ADK: variants seen among roughly 807,000 people sequenced by gnomAD.
ADK encodes the protein adenosine kinase.
Under a neutral mutation model 44.7 loss-of-function variants are expected in ADK, and 24 were observed. The ratio of observed to expected loss-of-function variants is 0.54; its 90% confidence interval spans 0.39 to 0.76. The LOEUF (loss-of-function observed/expected upper bound fraction) is 0.76, where lower values mean the gene tolerates loss of function less well. ADK is among the 30% of genes least tolerant of loss of function. ADK has a pLI of 0.00. For missense variants in ADK, 321 were observed against 425.1 expected (o/e 0.76, Z 2.15); for synonymous variants, 128 against 142.6 (o/e 0.90, Z 0.73).
rs11596716 is a variant in ADK at position 74,623,035 on chromosome 10, G to A, written c.877+22542G>A. On this transcript the variant is annotated intron_variant, in intron 9 of 10. Transcript: ENST00000539909. ...AAACAAAAAACAAAAAACAAAAAAA[G>A]AACCCGGCTTCTTGAATCCCAGACT... Among the ~76,000 whole-genome samples the A allele has an allele frequency of 1.7e-3, 264 of 152,062 alleles. 1 individual carries two copies. In the Middle Eastern group the frequency reaches 0.02, roughly 12 times the overall value.
intron 7 of ADK, among the ~76,000 whole-genome samples, chr10:74,565,372 A>G (rs540091177): frequency 3.3e-5 from 5 of 152,182 alleles, no homozygotes; most frequent in Non-Finnish European, 7.3e-5. Flanking sequence ...ACAACTCAAG[A>G]TTGCTGCCTA....
chr10:74,658,252 T>C (rs890515916), intron 9 of ADK, among the ~76,000 whole-genome samples: 3 of 152,154 alleles, frequency 2.0e-5, no homozygotes, highest in African/African-American at 7.2e-5. Context: ...CTAGCAATCA[T>C]CAGAAAAAAA....
At chr10:74,624,993 A>G (rs529172017) in intron 9 of ADK, among the ~76,000 whole-genome samples, 1 of 152,238 alleles carries the variant, frequency 6.6e-6, no homozygotes, top group South Asian at 2.1e-4. Flanking sequence ...GAGGCAAGAT[A>G]CTTATAGATA....
chr10:74,503,358 G>A (rs1847943755), intron 6 of ADK, among the ~76,000 whole-genome samples: 1 of 152,190 alleles, frequency 6.6e-6, no homozygotes, highest in Non-Finnish European at 1.5e-5. Context: ...TAAGAGTTTT[G>A]TGGATGTGAG....
At chr10:74,324,986 T>C (rs1007710464) in intron 4 of ADK, among the ~76,000 whole-genome samples, 1 of 152,214 alleles carries the variant, frequency 6.6e-6, no homozygotes, top group African/African-American at 2.4e-5. Flanking sequence ...TGGGATCTTT[T>C]GTGGTTCTAT....
intron 4 of ADK, among the ~76,000 whole-genome samples, chr10:74,325,368 TC>T (rs2131832658): frequency 6.6e-6 from 1 of 152,340 alleles, no homozygotes; most frequent in East Asian, 1.9e-4. Flanking sequence ...GATTATTAGT[TC>T]TGACAGTATT....
intron 4 of ADK, among the ~76,000 whole-genome samples, chr10:74,385,901 T>G (rs1424930798): frequency 6.6e-6 from 1 of 152,212 alleles, no homozygotes; most frequent in East Asian, 1.9e-4. Context: ...ACAATAGAAC[T>G]ATTTCAGGGA....
In ADK at chr10:74,381,989, C is replaced by T. The variant is rs894017187; in HGVS notation, c.274-12152C>T. Among the ~76,000 whole-genome samples, 6 of 152,198 alleles carry T rather than the reference C, an allele frequency of 3.9e-5. No individual in the cohort carries two copies. The South Asian group carries it at 1.2e-3, about 32-fold the overall frequency. On this transcript the variant is annotated intron_variant, in intron 4 of 10. Transcript: ENST00000539909. ...TTCTTATTCTTTGGTTATTAGTTGG[C>T]ATGCTTCTCTGTGGATTTTGTAGAA... is the stretch of plus-strand genomic sequence containing the variant.
At chr10:74,434,369 G>C (rs1455430439) in intron 6 of ADK, among the ~76,000 whole-genome samples, 1 of 152,104 alleles carries the variant, frequency 6.6e-6, no homozygotes, top group Non-Finnish European at 1.5e-5. Context: ...TATAAAATTT[G>C]AGACTATTTG....
At chr10:74,197,204 C>T (rs988570628) in intron 1 of ADK, among the ~76,000 whole-genome samples, 3 of 152,066 alleles carry the variant, frequency 2.0e-5, no homozygotes, top group African/African-American at 7.3e-5. Context: ...AAATTCCATT[C>T]TTGAGTGAGG....
chr10:74,573,707 A>G (rs1303512567), intron 7 of ADK, among the ~76,000 whole-genome samples: 1 of 152,182 alleles, frequency 6.6e-6, no homozygotes, highest in African/African-American at 2.4e-5. Context: ...AGCCTCGGCA[A>G]TGGCGGGCGC....
chr10:74,672,923 C>A (rs371713612), intron 10 of ADK, among the ~76,000 whole-genome samples: 1 of 152,130 alleles, frequency 6.6e-6, no homozygotes, highest in Admixed American at 6.6e-5. Flanking sequence ...AGCCAGGATT[C>A]AAACCCAGAA....
At chr10:74,541,119 A>G (rs1482622391) in intron 7 of ADK, among the ~76,000 whole-genome samples, 1 of 152,020 alleles carries the variant, frequency 6.6e-6, no homozygotes, top group Non-Finnish European at 1.5e-5. Context: ...GGTTCAAGCA[A>G]TTCTCCTGCC....
At chr10:74,318,113 A>T (rs1253535761) in intron 4 of ADK, among the ~76,000 whole-genome samples, 2 of 152,142 alleles carry the variant, frequency 1.3e-5, no homozygotes, top group Non-Finnish European at 2.9e-5. Flanking sequence ...CAAGTGGGCT[A>T]GAAAAAACAC....
At chr10:74,621,029 CTGT>C (rs1852976469) in intron 9 of ADK, among the ~76,000 whole-genome samples, 1 of 151,994 alleles carries the variant, frequency 6.6e-6, no homozygotes, top group African/African-American at 2.4e-5. Context: ...TCTTTTCACT[CTGT>C]TGATTGTTTC....
At chr10:74,458,063 A>G (rs1846020740) in intron 6 of ADK, among the ~76,000 whole-genome samples, 2 of 151,328 alleles carry the variant, frequency 1.3e-5, no homozygotes, top group African/African-American at 2.4e-5. Context: ...TGGGTATTTC[A>G]CATCTTCTTG....
At chr10:74,681,650 A>AGC (rs35203634) in intron 10 of ADK, among the ~76,000 whole-genome samples, 105,006 of 151,090 alleles carry the variant, frequency 0.69, 36,656 homozygotes, top group Middle Eastern at 0.79. Context: ...GTTCGAGACC[A>AGC]CCGGCCAACA....
At chr10:74,160,587 A>G (rs1305096246) in intron 1 of ADK, among the ~76,000 whole-genome samples, 1 of 152,146 alleles carries the variant, frequency 6.6e-6, no homozygotes, top group Non-Finnish European at 1.5e-5. Flanking sequence ...CAATCACTGT[A>G]TCAGAGGTGG....
intron 9 of ADK, among the ~76,000 whole-genome samples, chr10:74,657,476 C>G (rs1854529775): frequency 6.6e-6 from 1 of 152,170 alleles, no homozygotes. Context: ...ATGGCAGGAT[C>G]ACTGACAACT....
Sources: gnomAD v4.1 joint callset for allele counts (sites outside exome capture counted in the v4.1 genomes callset) on GRCh38, gnomAD v4.1.1 for gene constraint, MANE v1.5 for transcripts, NCBI Gene and HGNC (gene_info 2026-07-23, HGNC 2026-07-21) for gene names.